GNG2: variants seen among roughly 807,000 people sequenced by gnomAD.
GNG2 encodes the protein G protein subunit gamma 2, also known as guanine nucleotide-binding protein G(I)/G(S)/G(O) subunit gamma-2.
GNG2 carries 5 observed loss-of-function variants against 5.5 expected under a neutral mutation model. That is an observed-to-expected ratio of 0.91 (90% CI 0.48 to 1.92). The LOEUF is 1.92. GNG2 is among the 30% of genes most tolerant of loss of function. The pLI, the probability that GNG2 is intolerant of heterozygous loss-of-function variation, is 0.01. For missense variants in GNG2, 55 were observed against 88.4 expected, an observed-to-expected ratio of 0.62 and a Z score of 1.52; for synonymous variants, 28 against 32.0, an observed-to-expected ratio of 0.88 and a Z score of 0.42.
chr14:51,966,469 A>G, intron 3 of GNG2, 90 bp from the exon 4 acceptor site: 1 of 1,131,868 alleles, frequency 8.8e-7, no homozygotes. Context: ...TGGAGCAAGG[A>G]TTTGATGCCA....
intron 2 of GNG2, among the ~76,000 whole-genome samples, chr14:51,889,787 T>G (rs1034271030): frequency 2.0e-5 from 3 of 152,220 alleles, no homozygotes; most frequent in African/African-American, 7.2e-5. Flanking sequence ...GGTAGTTCAG[T>G]GCCGTACTGT....
chr14:51,837,103 C>T (rs919263688), intron 2 of GNG2, among the ~76,000 whole-genome samples: 1 of 151,950 alleles, frequency 6.6e-6, no homozygotes, highest in Non-Finnish European at 1.5e-5. Context: ...AGGTGATCCA[C>T]CCGCCTTGGC....
At chr14:51,912,586 G>A (rs936960051) in intron 2 of GNG2, among the ~76,000 whole-genome samples, 1 of 152,048 alleles carries the variant, frequency 6.6e-6, no homozygotes, top group African/African-American at 2.4e-5. Context: ...ATTACTGCTG[G>A]GCTTCTTCAG....
intron 2 of GNG2, among the ~76,000 whole-genome samples, chr14:51,830,899 A>G (rs1881169693): frequency 6.6e-6 from 1 of 152,184 alleles, no homozygotes; most frequent in Non-Finnish European, 1.5e-5. Context: ...TTCAGTTCAA[A>G]AGCTAAATAG....
upstream of GNG2, among the ~76,000 whole-genome samples, chr14:51,857,430 C>T (rs932797198): frequency 3.9e-5 from 6 of 152,186 alleles, no homozygotes; most frequent in Non-Finnish European, 7.3e-5. Flanking sequence ...GGTGACATCA[C>T]AGAAGGCTTT....
chr14:51,884,257 A>G (rs1884292308), intron 2 of GNG2, among the ~76,000 whole-genome samples: 1 of 152,226 alleles, frequency 6.6e-6, no homozygotes, highest in African/African-American at 2.4e-5. Flanking sequence ...AAGTGATGCT[A>G]GCAGAGAGGG....
At chr14:51,936,800 C>T (rs1458449986) in intron 2 of GNG2, among the ~76,000 whole-genome samples, 1 of 152,080 alleles carries the variant, frequency 6.6e-6, no homozygotes, top group Non-Finnish European at 1.5e-5. Flanking sequence ...ATCTCAGCCT[C>T]CCAAAGTGCT....
intron 2 of GNG2, among the ~76,000 whole-genome samples, chr14:51,884,403 T>G (rs945992156): frequency 3.3e-5 from 5 of 152,220 alleles, no homozygotes; most frequent in Non-Finnish European, 7.3e-5. Context: ...GGGTATATTA[T>G]CTCCCTTTAT....
In GNG2 at chr14:51,924,567, C is replaced by T. The variant is rs184076029; in HGVS notation, c.-29-26083C>T. Among the ~76,000 whole-genome samples, 3 of 152,310 alleles carry T rather than the reference C, an allele frequency of 2.0e-5. No individual in the cohort carries two copies. In the East Asian group the frequency reaches 5.8e-4, roughly 29 times the overall value. On this transcript the variant is annotated intron_variant, in intron 2 of 3. Coordinates refer to ENST00000556766, the MANE Select transcript of GNG2 (RefSeq NM_053064.5). Reference sequence around the variant, plus strand: ...GGAAGAGAGTCAATGCCACAACAAACTTCTGCTCTGAGATTCAGCAGAGGA... The same window carrying T: ...GGAAGAGAGTCAATGCCACAACAAATTTCTGCTCTGAGATTCAGCAGAGGA...
intron 2 of GNG2, among the ~76,000 whole-genome samples, chr14:51,851,165 A>G (rs1019151183): frequency 6.6e-6 from 1 of 152,210 alleles, no homozygotes; most frequent in Admixed American, 6.5e-5. Context: ...AACTGATGAC[A>G]AATTAACACA....
In GNG2 at chr14:51,952,041, T is replaced by A. The variant is rs11847688; in HGVS notation, c.87+1276T>A. ...GTATGATTCAGGCATCAGTATTTTTTAAAAAGAATTTTTCAGTTCATTCCG... is the reference window on the plus strand; with the variant it reads ...GTATGATTCAGGCATCAGTATTTTTAAAAAAGAATTTTTCAGTTCATTCCG... On this transcript the variant is annotated intron_variant, in intron 3 of 3. Coordinates refer to ENST00000556766, the MANE Select transcript of GNG2 (RefSeq NM_053064.5). The A allele has an allele frequency of 4.2e-3, 2,554 of 615,344 alleles. 59 individuals are homozygous for A. The highest frequency in any genetic ancestry group is 0.04 in the African/African-American group (2,186 of 53,994). 38.1% of individuals were successfully genotyped at this position (615,344 alleles called of 1,614,324 possible). A position where few individuals can be genotyped will look rare whatever the true frequency, so the allele number is the denominator to read the frequency against.
At chr14:51,839,317 T>A (rs1467842812) in intron 2 of GNG2, among the ~76,000 whole-genome samples, 3 of 152,240 alleles carry the variant, frequency 2.0e-5, no homozygotes, top group Non-Finnish European at 4.4e-5. Flanking sequence ...GGCTTCCAGG[T>A]CATAAGTAGC....
At chr14:51,952,709 C>G (rs989723838) in intron 3 of GNG2, among the ~76,000 whole-genome samples, 1 of 152,182 alleles carries the variant, frequency 6.6e-6, no homozygotes, top group South Asian at 2.1e-4. Context: ...AGAAATAGAG[C>G]TTTTCAGAAA....
chr14:51,859,718 T>C (rs879924480), upstream of GNG2, among the ~76,000 whole-genome samples: 3 of 152,164 alleles, frequency 2.0e-5, no homozygotes, highest in Non-Finnish European at 4.4e-5. Context: ...CAGAGACAGC[T>C]TGCAGGCTCT....
intron 2 of GNG2, among the ~76,000 whole-genome samples, chr14:51,853,255 G>A (rs1299755435): frequency 1.3e-5 from 2 of 152,194 alleles, no homozygotes; most frequent in Non-Finnish European, 2.9e-5. Context: ...GTGCGAGGTG[G>A]GTGCTGAAGA....
chr14:51,860,109 A>T (rs573630967), upstream of GNG2, among the ~76,000 whole-genome samples: 4 of 152,152 alleles, frequency 2.6e-5, no homozygotes, highest in East Asian at 7.8e-4. Context: ...GCAAGCTGCA[A>T]GCTGCAAGCT....
chr14:51,896,243 A>G (rs552079028), intron 2 of GNG2, among the ~76,000 whole-genome samples: 1 of 152,364 alleles, frequency 6.6e-6, no homozygotes, highest in South Asian at 2.1e-4. Flanking sequence ...AAAACGTAAA[A>G]GGAAGAGAGG....
chr14:51,919,211 C>T (rs190846105), intron 2 of GNG2, among the ~76,000 whole-genome samples: 58 of 152,250 alleles, frequency 3.8e-4, no homozygotes, highest in Admixed American at 1.8e-3. Flanking sequence ...AATTTAAACT[C>T]TATTAATTCA....
chr14:51,869,965 C>G (rs558660446), intron 1 of GNG2, among the ~76,000 whole-genome samples: 3 of 152,294 alleles, frequency 2.0e-5, no homozygotes, highest in Admixed American at 6.5e-5. Flanking sequence ...CCCAGGCTCG[C>G]TGAAGAACAA....
Sources: allele counts gnomAD v4.1 joint callset (sites outside exome capture counted in the v4.1 genomes callset), GRCh38; gene constraint gnomAD v4.1.1; transcripts MANE v1.5; gene names NCBI Gene and HGNC (gene_info 2026-07-23, HGNC 2026-07-21).